CPLANE1: variants seen among roughly 807,000 people sequenced by gnomAD.
CPLANE1 encodes the protein ciliogenesis and planar polarity effector complex subunit 1.
In CPLANE1, 263 loss-of-function variants were observed where a neutral mutation model predicts 362.5. The observed-to-expected ratio is 0.73, with a 90% confidence interval of 0.66 to 0.80. CPLANE1 has a LOEUF of 0.80. CPLANE1 is among the 30% of genes least tolerant of loss of function. The pLI is 0.00. For synonymous variants in CPLANE1, 1,212 were observed against 1,302.6 expected (o/e 0.93, Z 1.50); for missense variants, 3,461 against 3,793.4 (o/e 0.91, Z 2.30).
At chr5:37,243,960 C>G (rs1375680356) in intron 5 of CPLANE1, among the ~76,000 whole-genome samples, 3 of 151,386 alleles carry the variant, frequency 2.0e-5, no homozygotes, top group African/African-American at 2.4e-5. Context: ...AATCGATTCT[C>G]CTGCCTCAGC....
rs56833956 is a variant in CPLANE1 at position 37,123,930 on chromosome 5, T to TACACACACACACACACACACAC, written c.8958+1292_8958+1313dup. Reference sequence around the variant, plus strand: ...CATTCTACATTAGGCTAGGGGAACATACACACACACACACACACACACACA... The same window carrying TACACACACACACACACACACAC: ...CATTCTACATTAGGCTAGGGGAACATACACACACACACACACACACACACACACACACACACACACACACACA... On this transcript the variant is annotated intron_variant, in intron 47 of 52. Coordinates refer to ENST00000651892, the MANE Select transcript of CPLANE1 (RefSeq NM_001384732.1). 1.2e-4 allele frequency among the ~76,000 whole-genome samples: 17 copies of TACACACACACACACACACACAC among 144,534 alleles called. 1 individual carries two copies. The highest frequency in any genetic ancestry group is 4.3e-4 in the African/African-American group (17 of 39,260). 94.8% of individuals were successfully genotyped at this position (144,534 alleles called of 152,430 possible). A position where few individuals can be genotyped will look rare whatever the true frequency, so the allele number is the denominator to read the frequency against.
chr5:37,098,772 T>A, the CPLANE1 span, among the ~76,000 whole-genome samples: 3 of 146,188 alleles, frequency 2.1e-5, no homozygotes, highest in Non-Finnish European at 1.5e-5. Flanking sequence ...AACAACATGC[T>A]CCTGAAAAAA....
At chr5:37,083,675 T>G in the CPLANE1 span, among the ~76,000 whole-genome samples, 3 of 152,202 alleles carry the variant, frequency 2.0e-5, no homozygotes, top group African/African-American at 7.2e-5. Context: ...TAGAAGAAAT[T>G]AATTCAGAGC....
intron 8 of CPLANE1, among the ~76,000 whole-genome samples, chr5:37,236,901 G>A (rs1346243967): frequency 1.3e-5 from 2 of 151,924 alleles, no homozygotes; most frequent in Non-Finnish European, 2.9e-5. Context: ...TTACTAAAAA[G>A]TCAAAAAACA....
intron 42 of CPLANE1, among the ~76,000 whole-genome samples, 156 bp from the exon 43 acceptor site, chr5:37,148,424 CA>C (rs1772405721): frequency 6.6e-6 from 1 of 152,162 alleles, no homozygotes; most frequent in Admixed American, 6.5e-5. Context: ...ATCAATAAAA[CA>C]GAGGAAATTT....
Position 37,239,814 on chromosome 5 carries a change from T to G in CPLANE1, c.733A>C (p.Ile245Leu). 6.5e-7 allele frequency: 1 copy of G among 1,545,160 alleles called. No homozygotes were observed. Among genetic ancestry groups the G allele is most frequent in the Non-Finnish European group, 8.7e-7 (1 of 1,143,256 alleles). ...GACTTTACTGATTCACATTTAGGAA[T>G]TAAACTACAGAGATGACAGTCTTGT... ...AQQDCHLCSLIPKCESVKSRG... is the reference protein window; with the variant it reads ...AQQDCHLCSLLPKCESVKSRG... The change falls in exon 7 of 53, where the codon ATT (isoleucine) becomes CTT (leucine). Residue 245 changes from isoleucine to leucine, a missense_variant. Ile to Leu is a conservative substitution (Grantham distance 5). Transcript: ENST00000651892.
intron 41 of CPLANE1, among the ~76,000 whole-genome samples, chr5:37,156,585 G>C (rs1775172150): frequency 6.6e-6 from 1 of 151,994 alleles, no homozygotes; most frequent in Non-Finnish European, 1.5e-5. Flanking sequence ...AGCCTGAACA[G>C]CTCAGCAAGA....
intron 31 of CPLANE1, among the ~76,000 whole-genome samples, chr5:37,174,284 A>G (rs1407605672): frequency 6.6e-6 from 1 of 152,226 alleles, no homozygotes; most frequent in Non-Finnish European, 1.5e-5. Context: ...CATTCTGATT[A>G]GCTGTACAGA....
At chr5:37,154,846 T>C (rs1206576837) in intron 41 of CPLANE1, among the ~76,000 whole-genome samples, 1 of 152,178 alleles carries the variant, frequency 6.6e-6, no homozygotes, top group Non-Finnish European at 1.5e-5. Context: ...CCCAGTTAGG[T>C]TGTCCCATAA....
At chr5:37,167,571 G>T (rs1561469914) in intron 34 of CPLANE1, among the ~76,000 whole-genome samples, 1 of 152,172 alleles carries the variant, frequency 6.6e-6, no homozygotes, top group Admixed American at 6.5e-5. Flanking sequence ...AAGGTCAGGA[G>T]TTTGAGACCA....
intron 46 of CPLANE1, among the ~76,000 whole-genome samples, chr5:37,132,764 CAGA>C (rs1278617191): frequency 6.6e-6 from 1 of 152,104 alleles, no homozygotes; most frequent in African/African-American, 2.4e-5. Context: ...TTTTGCTGTG[CAGA>C]AGCTCTTTAA....
chr5:37,182,947 C>T lies in CPLANE1; in HGVS notation c.5234G>A (p.Arg1745Lys). Residue 1745 changes from arginine to lysine, a missense_variant, in exon 26 of 53, where the codon AGA becomes AAA. By Grantham distance (26) the Arg-to-Lys change is conservative. Coordinates refer to ENST00000651892, the MANE Select transcript of CPLANE1 (RefSeq NM_001384732.1). ...LALNTFGSIG[R>K]LLEWMIRWSN... ...CCACCTTATCATCCATTCCAGCAGTCTTCCTATACTGCCAAAAGTGTTTAG... is the reference window on the plus strand; with the variant it reads ...CCACCTTATCATCCATTCCAGCAGTTTTCCTATACTGCCAAAAGTGTTTAG... The T allele has an allele frequency of 6.2e-7, 1 of 1,605,024 alleles. No homozygotes were observed. Among genetic ancestry groups the T allele is most frequent in the Non-Finnish European group, 8.5e-7 (1 of 1,176,030 alleles).
In CPLANE1 at chr5:37,208,682, C is replaced by G. The variant is rs1381387295; in HGVS notation, c.2921-2257G>C. Among the ~76,000 whole-genome samples the G allele has an allele frequency of 2.9e-4, 34 of 117,944 alleles. 1 individual carries two copies. The highest frequency in any genetic ancestry group is 1.1e-3 in the Admixed American group (13 of 12,330). The allele number at this position is 117,944 out of a possible 152,430, so 77.4% of individuals were successfully genotyped here. On this transcript the variant is annotated intron_variant, in intron 16 of 52. Coordinates refer to ENST00000651892, the MANE Select transcript of CPLANE1 (RefSeq NM_001384732.1). The stretch of plus-strand genomic sequence containing the variant: ...ATAGAGCAAGACTCTGTCTCCCCCC[C>G]CCCCCAAAAAAAAAAAAGAGTTCAG...
Position 37,226,691 on chromosome 5 carries a change from C to G in CPLANE1, c.1904G>C (p.Cys635Ser). Reference protein sequence around the residue: ...KSSRHNAWILCIFQLFHQCLS... With the variant: ...KSSRHNAWILSIFQLFHQCLS... ...ACACTGATGAAAAAGTTGAAAGATACAAAGTATCCATGCATTATGTCTTGA... is the reference window on the plus strand; with the variant it reads ...ACACTGATGAAAAAGTTGAAAGATAGAAAGTATCCATGCATTATGTCTTGA... The change falls in exon 12 of 53, where the codon TGT (cysteine) becomes TCT (serine). Residue 635 changes from cysteine (C) to serine (S), a missense_variant. Cys to Ser is a moderately radical substitution (Grantham distance 112). This residue lies in a region of CPLANE1 where 3,380 missense variants were observed against 3,666.1 expected (regional missense o/e 0.92). Transcript: ENST00000651892. 2 of 1,550,778 alleles carry G rather than the reference C, an allele frequency of 1.3e-6. No homozygotes were observed. The highest frequency in any genetic ancestry group is 1.2e-5 in the South Asian group (1 of 83,806).
intron 8 of CPLANE1, among the ~76,000 whole-genome samples, chr5:37,232,749 G>A (rs539371637): frequency 2.0e-5 from 3 of 151,112 alleles, no homozygotes; most frequent in African/African-American, 7.3e-5. Flanking sequence ...GGCAGGCAGG[G>A]GGATAGCTTG....
intron 41 of CPLANE1, among the ~76,000 whole-genome samples, chr5:37,156,734 T>C (rs976210337): frequency 2.6e-5 from 4 of 152,148 alleles, no homozygotes; most frequent in African/African-American, 7.2e-5. Flanking sequence ...TACTATTGAA[T>C]TGCATACACC....
chr5:37,159,010 T>A (rs961745822), intron 38 of CPLANE1, among the ~76,000 whole-genome samples: 1 of 150,060 alleles, frequency 6.7e-6, no homozygotes, highest in African/African-American at 2.5e-5. Flanking sequence ...GGTCTCGATC[T>A]CCTGACCTCG....
chr5:37,172,938 C>G (rs543302815), intron 32 of CPLANE1, among the ~76,000 whole-genome samples: 1 of 152,056 alleles, frequency 6.6e-6, no homozygotes, highest in South Asian at 2.1e-4. Context: ...GAGCCGAGAT[C>G]GCGCCACTGC....
At chr5:37,196,400 T>C (rs1007228560) in intron 20 of CPLANE1, among the ~76,000 whole-genome samples, 17 of 152,036 alleles carry the variant, frequency 1.1e-4, no homozygotes, top group African/African-American at 4.1e-4. Flanking sequence ...AAAAAACTAA[T>C]CTATAAATGG....
Sources: gnomAD v4.1 joint callset for allele counts (sites outside exome capture counted in the v4.1 genomes callset) on GRCh38, gnomAD v4.1.1 for gene constraint, gnomAD v4.1.1 regional missense constraint, MANE v1.5 for transcripts, NCBI Gene and HGNC (gene_info 2026-07-23, HGNC 2026-07-21) for gene names.